FRS2: variants seen among roughly 807,000 people sequenced by gnomAD.
FRS2 encodes the protein fibroblast growth factor receptor substrate 2, also known as FGFR signalling adaptor.
FRS2 carries 8 observed loss-of-function variants against 43.9 expected under a neutral mutation model. That is an observed-to-expected ratio of 0.18 (90% CI 0.11 to 0.33). The LOEUF (loss-of-function observed/expected upper bound fraction) is 0.33. FRS2 is among the 10% of genes least tolerant of loss of function. The pLI is 1.00. For synonymous variants in FRS2, 219 were observed against 220.3 expected (o/e 0.99, Z 0.05); for missense variants, 534 against 627.6 (o/e 0.85, Z 1.59).
At chr12:69,481,152 C>G (rs1245169280) in intron 1 of FRS2, among the ~76,000 whole-genome samples, 1 of 152,228 alleles carries the variant, frequency 6.6e-6, no homozygotes, top group East Asian at 1.9e-4. Flanking sequence ...TTTTTGCATA[C>G]ACACATTTAT....
At chr12:69,481,028 C>A (rs528732371) in intron 1 of FRS2, among the ~76,000 whole-genome samples, 25 of 152,264 alleles carry the variant, frequency 1.6e-4, no homozygotes, top group African/African-American at 5.3e-4. Flanking sequence ...TTTTCTTAAA[C>A]GTTTTATTTT....
At chr12:69,513,397 G>A (rs1308105863) in intron 1 of FRS2, among the ~76,000 whole-genome samples, 2 of 151,954 alleles carry the variant, frequency 1.3e-5, no homozygotes, top group African/African-American at 4.8e-5. Context: ...TGAGAATAGG[G>A]AAACTAGTCC....
At chr12:69,561,197 G>C (rs747867664) in intron 3 of FRS2, among the ~76,000 whole-genome samples, 10 of 152,138 alleles carry the variant, frequency 6.6e-5, no homozygotes, top group East Asian at 1.9e-4. Context: ...GGTTAATAAA[G>C]AAGAGGGACA....
At chr12:69,487,800 T>G (rs931157806) in intron 1 of FRS2, among the ~76,000 whole-genome samples, 3 of 152,222 alleles carry the variant, frequency 2.0e-5, no homozygotes, top group Non-Finnish European at 4.4e-5. Context: ...ACACTTGTGA[T>G]TTATGGGAGG....
intron 1 of FRS2, among the ~76,000 whole-genome samples, chr12:69,474,426 G>GA (rs34089605): frequency 0.4 from 58,994 of 149,168 alleles, 11,699 homozygotes; most frequent in East Asian, 0.66. Flanking sequence ...AGAGGGGAAA[G>GA]AAAAAAAAAA....
At position 69,577,694 on chromosome 12, in the gene FRS2, G is replaced by C. The variant is rs2588440; in HGVS notation, c.*2739G>C. 1 of 152,392 alleles carries C rather than the reference G, an allele frequency of 6.6e-6. No individual in the cohort carries two copies. The highest frequency in any genetic ancestry group is 1.5e-5 in the Non-Finnish European group (1 of 67,942). The allele number at this position is 152,392 out of a possible 1,614,324, so 9.4% of individuals were successfully genotyped here. A position where few individuals can be genotyped will look rare whatever the true frequency, so the allele number is the denominator to read the frequency against. Reference sequence around the variant, plus strand: ...TATTACTTGTGTTTTTTCTTAGTGTGTTTTATTTCCCAGTTTCATCTTCTT... The same window carrying C: ...TATTACTTGTGTTTTTTCTTAGTGTCTTTTATTTCCCAGTTTCATCTTCTT... On this transcript the variant is annotated 3_prime_UTR_variant, in exon 9 of 9. Transcript: ENST00000549921.
chr12:69,485,082 A>AACACACAC (rs71094716), intron 1 of FRS2, among the ~76,000 whole-genome samples: 4,571 of 85,234 alleles, frequency 0.054, 152 homozygotes, highest in Admixed American at 0.075. Context: ...CTCATCTTAA[A>AACACACAC]ACACACACAC....
chr12:69,527,975 A>G (rs770679488), intron 1 of FRS2, among the ~76,000 whole-genome samples: 4 of 151,860 alleles, frequency 2.6e-5, no homozygotes, highest in Non-Finnish European at 4.4e-5. Flanking sequence ...CAAATGCTTT[A>G]TGTACCTTAA....
chr12:69,507,754 G>A (rs1323211777), intron 1 of FRS2, among the ~76,000 whole-genome samples: 1 of 152,148 alleles, frequency 6.6e-6, no homozygotes, highest in East Asian at 1.9e-4. Flanking sequence ...GCCGGGCCCG[G>A]TGGCTCACGC....
intron 1 of FRS2, among the ~76,000 whole-genome samples, chr12:69,504,127 C>G (rs77253352): frequency 0.016 from 2,406 of 152,312 alleles, 72 homozygotes; most frequent in African/African-American, 0.054. Context: ...AGACATCTCT[C>G]TGTTCTGATG....
At chr12:69,541,023 A>G (rs923065374) in intron 3 of FRS2, among the ~76,000 whole-genome samples, 25 of 152,234 alleles carry the variant, frequency 1.6e-4, no homozygotes, top group African/African-American at 6.0e-4. Context: ...ATTACTGCCA[A>G]GAGGATCCTT....
chr12:69,488,932 C>T (rs1344632610), intron 1 of FRS2, among the ~76,000 whole-genome samples: 1 of 152,086 alleles, frequency 6.6e-6, no homozygotes, highest in African/African-American at 2.4e-5. Context: ...GGTGATGAGC[C>T]TGTGTTGGGC....
At chr12:69,501,172 TA>T (rs11326072) in intron 1 of FRS2, among the ~76,000 whole-genome samples, 89,576 of 148,628 alleles carry the variant, frequency 0.6, 28,267 homozygotes, top group African/African-American at 0.82. Context: ...TTGCCATCCT[TA>T]AAAAAAAAAA....
chr12:69,544,277 A>G (rs1200124020), intron 3 of FRS2, among the ~76,000 whole-genome samples: 1 of 152,182 alleles, frequency 6.6e-6, no homozygotes, highest in Non-Finnish European at 1.5e-5. Context: ...ATGGTTCAAC[A>G]TATGAAAATT....
At chr12:69,505,975 G>A (rs1873894748) in intron 1 of FRS2, among the ~76,000 whole-genome samples, 1 of 151,994 alleles carries the variant, frequency 6.6e-6, no homozygotes, top group Non-Finnish European at 1.5e-5. Flanking sequence ...TGTTTCATTA[G>A]TTTTTCTTCT....
intron 1 of FRS2, among the ~76,000 whole-genome samples, chr12:69,481,395 C>G (rs577835345): frequency 4.3e-4 from 66 of 151,922 alleles, no homozygotes; most frequent in African/African-American, 1.6e-3. Flanking sequence ...ATACTCATGC[C>G]TCTCTTGTAG....
chr12:69,573,371 A>G (rs1433050690), intron 8 of FRS2, among the ~76,000 whole-genome samples: 1 of 152,242 alleles, frequency 6.6e-6, no homozygotes, highest in African/African-American at 2.4e-5. Context: ...CCTCTAAAAC[A>G]GCAGCAAAAT....
Position 69,572,229 on chromosome 12 carries a change from T to G in FRS2, c.524T>G (p.Leu175Arg), listed in dbSNP as rs1880827054. The G allele has an allele frequency of 6.2e-7, 1 of 1,613,776 alleles. No individual in the cohort carries two copies. The highest frequency in any genetic ancestry group is 1.7e-5 in the Admixed American group (1 of 59,990). ...SRHPSVGSAR[L>R]PSVGEESTHP... Reference sequence around the variant, plus strand: ...CATCCTTCTGTGGGAAGTGCTCGCCTGCCTTCAGTAGGGGAAGAATCTACA... The same window carrying G: ...CATCCTTCTGTGGGAAGTGCTCGCCGGCCTTCAGTAGGGGAAGAATCTACA... The change falls in exon 8 of 9, where the codon CTG (leucine) becomes CGG (arginine). Residue 175 changes from leucine (L) to arginine (R), a missense_variant. By Grantham distance (102) the Leu-to-Arg change is moderately radical (BLOSUM62 -2). Transcript: ENST00000549921.
chr12:69,507,799 C>T (rs1373213989), intron 1 of FRS2, among the ~76,000 whole-genome samples: 3 of 151,874 alleles, frequency 2.0e-5, no homozygotes, highest in Non-Finnish European at 2.9e-5. Context: ...CCCAGGCGGG[C>T]GGATCACCTT....
Sources: gnomAD v4.1 joint callset for allele counts (sites outside exome capture counted in the v4.1 genomes callset) on GRCh38, gnomAD v4.1.1 for gene constraint, MANE v1.5 for transcripts, NCBI Gene and HGNC (gene_info 2026-07-23, HGNC 2026-07-21) for gene names.